RNF125: variants seen among roughly 807,000 people sequenced by gnomAD.
RNF125 encodes E3 ubiquitin-protein ligase RNF125.
RNF125 carries 21 observed loss-of-function variants against 26.0 expected under a neutral mutation model. That is an observed-to-expected ratio of 0.81 (90% CI 0.57 to 1.16). The LOEUF (loss-of-function observed/expected upper bound fraction) is 1.16. Among genes scored for constraint, RNF125 ranks in the 50% most tolerant of loss-of-function variants. The pLI is 0.00. For missense variants in RNF125, 270 were observed against 299.4 expected (o/e 0.90, Z 0.72); for synonymous variants, 95 against 109.2 (o/e 0.87, Z 0.81).
At chr18:32,058,353 CTT>C (rs938391389) in intron 4 of RNF125, among the ~76,000 whole-genome samples, 10 of 65,816 alleles carry the variant, frequency 1.5e-4, no homozygotes, top group East Asian at 1.3e-3. Context: ...CAATTATACT[CTT>C]TTTTTTTTGA....
At chr18:32,043,893 C>T (rs1012732972) in intron 3 of RNF125, among the ~76,000 whole-genome samples, 1 of 151,964 alleles carries the variant, frequency 6.6e-6, no homozygotes, top group Non-Finnish European at 1.5e-5. Flanking sequence ...TTTTGGGGGA[C>T]AAGAAGTTAC....
At chr18:32,051,879 G>A (rs1361309819) in intron 4 of RNF125, among the ~76,000 whole-genome samples, 3 of 151,430 alleles carry the variant, frequency 2.0e-5, no homozygotes, top group African/African-American at 7.3e-5. Context: ...TAGTAGAGTT[G>A]GGGTTTCACC....
chr18:32,040,310 C>T (rs542700290), intron 2 of RNF125, among the ~76,000 whole-genome samples: 187 of 126,176 alleles, frequency 1.5e-3, no homozygotes, highest in Middle Eastern at 6.3e-3. Flanking sequence ...CTTGCTCTGT[C>T]ACCCAGGCTG....
intron 1 of RNF125, among the ~76,000 whole-genome samples, chr18:32,032,905 A>T (rs560623852): frequency 2.0e-4 from 30 of 152,324 alleles, no homozygotes; most frequent in Middle Eastern, 3.4e-3. Context: ...TGGAGTATTC[A>T]TTTGATACTC....
At chr18:32,059,795 AT>A (rs5823829) in intron 4 of RNF125, among the ~76,000 whole-genome samples, 22,714 of 151,260 alleles carry the variant, frequency 0.15, 1,949 homozygotes, top group African/African-American at 0.23. Flanking sequence ...GATTTTGACT[AT>A]TTTTTTTTAA....
intron 1 of RNF125, among the ~76,000 whole-genome samples, chr18:32,019,863 A>G (rs1357700587): frequency 6.6e-6 from 1 of 152,226 alleles, no homozygotes; most frequent in Non-Finnish European, 1.5e-5. Context: ...GTACTTAGCT[A>G]AAACTCACAG....
intron 3 of RNF125, among the ~76,000 whole-genome samples, chr18:32,044,677 T>C (rs761162903): frequency 3.9e-5 from 6 of 152,146 alleles, no homozygotes; most frequent in Non-Finnish European, 8.8e-5. Flanking sequence ...AAACTGAGTA[T>C]TGCAGCACCC....
chr18:32,086,220 C>CT, the RNF125 span, among the ~76,000 whole-genome samples: 5,096 of 136,560 alleles, frequency 0.037, 298 homozygotes, highest in African/African-American at 0.12. Context: ...GTAGATTTGT[C>CT]TTTTTTTTTT....
At chr18:32,045,390 C>T (rs941438923) in intron 3 of RNF125, among the ~76,000 whole-genome samples, 4 of 151,496 alleles carry the variant, frequency 2.6e-5, no homozygotes, top group Non-Finnish European at 5.9e-5. Context: ...GAAACCCCAT[C>T]TCTACTAAAA....
At position 32,065,949 on chromosome 18, in the gene RNF125, C is replaced by T. The variant is rs745454748; in HGVS notation, c.552C>T (p.Phe184=). The T allele has an allele frequency of 6.2e-7, 1 of 1,613,874 alleles. No individual in the cohort carries two copies. The highest frequency in any genetic ancestry group is 8.5e-7 in the Non-Finnish European group (1 of 1,179,748). The stretch of plus-strand genomic sequence containing the variant: ...TACCCGATGAGAATCCAAGCAGCTT[C>T]AGTGGCAGTTTAATAAGACATCTGC... ...RLIPDENPSS[F]SGSLIRHLQV... The change falls in exon 5 of 6, where the codon TTC becomes TTT. Residue 184 remains phenylalanine, a synonymous_variant. Transcript: ENST00000217740.
the RNF125 span, among the ~76,000 whole-genome samples, chr18:32,081,319 A>G: frequency 2.9e-4 from 44 of 152,296 alleles, no homozygotes; most frequent in Admixed American, 1.2e-3. Flanking sequence ...TATGACACCC[A>G]GTTTAGGAAA....
At chr18:32,067,268 A>C (rs1043979433) in intron 5 of RNF125, among the ~76,000 whole-genome samples, 3 of 152,128 alleles carry the variant, frequency 2.0e-5, no homozygotes, top group Non-Finnish European at 4.4e-5. Context: ...GTTTCTCTTT[A>C]CCTTAGCTCT....
chr18:32,076,045 C>A (rs988148528), downstream of RNF125: 1 of 744,432 alleles, frequency 1.3e-6, no homozygotes, highest in African/African-American at 1.7e-5. Context: ...CACGTCAAAT[C>A]TGGGGCTAAT....
intron 4 of RNF125, among the ~76,000 whole-genome samples, chr18:32,064,156 G>C (rs897203828): frequency 6.6e-6 from 1 of 151,756 alleles, no homozygotes; most frequent in African/African-American, 2.4e-5. Context: ...CACCACGCCT[G>C]GCTAATTTTT....
chr18:32,077,940 C>T (rs1320919284), downstream of RNF125, among the ~76,000 whole-genome samples: 1 of 151,952 alleles, frequency 6.6e-6, no homozygotes. Flanking sequence ...AGGCACACAC[C>T]ACCACATCTA....
Position 32,018,838 on chromosome 18 carries a change from C to CA in RNF125, c.-25dup. 1 of 1,534,560 alleles carries CA rather than the reference C, an allele frequency of 6.5e-7. No individual in the cohort carries two copies. Among genetic ancestry groups the CA allele is most frequent in the Non-Finnish European group, 8.8e-7 (1 of 1,141,404 alleles). On this transcript the variant is annotated 5_prime_UTR_variant, in exon 1 of 6. Transcript: ENST00000217740. ...CCTGCGGCAGGCACTGAGTGCTTCG[C>CA]AGCTGTCTGGGCGAGAGGCACAGCG... is the stretch of plus-strand genomic sequence containing the variant.
intron 4 of RNF125, among the ~76,000 whole-genome samples, chr18:32,048,182 C>T (rs1163699212): frequency 6.7e-6 from 1 of 148,368 alleles, no homozygotes; most frequent in Admixed American, 6.9e-5. Context: ...GAGGCTGAGG[C>T]GGATGGATCA....
the RNF125 span, among the ~76,000 whole-genome samples, chr18:32,081,860 T>C: frequency 2.0e-5 from 3 of 152,254 alleles, no homozygotes; most frequent in African/African-American, 7.2e-5. Context: ...AAATTTACAT[T>C]CTTCCATGGA....
downstream of RNF125, among the ~76,000 whole-genome samples, chr18:32,077,776 A>G (rs2039580206): frequency 6.6e-6 from 1 of 151,616 alleles, no homozygotes; most frequent in Non-Finnish European, 1.5e-5. Context: ...TGTCTGGCAT[A>G]GTGTAACCTC....
Sources: gnomAD v4.1 joint callset for allele counts (sites outside exome capture counted in the v4.1 genomes callset) on GRCh38, gnomAD v4.1.1 for gene constraint, MANE v1.5 for transcripts, NCBI Gene and HGNC (gene_info 2026-07-23, HGNC 2026-07-21) for gene names.